BRINP3: variants seen among roughly 807,000 people sequenced by gnomAD.
The protein encoded by BRINP3 is BMP/retinoic acid-inducible neural-specific protein 3.
In BRINP3, 19 loss-of-function variants were observed where a neutral mutation model predicts 71.0. That is an observed-to-expected ratio of 0.27 (90% CI 0.19 to 0.39). The LOEUF (loss-of-function observed/expected upper bound fraction) is 0.39, where lower values mean the gene tolerates loss of function less well. Ranked by LOEUF, BRINP3 falls within the 10% of genes least tolerant of loss-of-function variation. The probability of loss-of-function intolerance (pLI) is 1.00; values close to 1 mark genes in which losing one functional copy is unlikely to be tolerated. For synonymous variants in BRINP3, 380 were observed against 337.7 expected, an observed-to-expected ratio of 1.13 and a Z score of -1.37; for missense variants, 959 against 940.8, an observed-to-expected ratio of 1.02 and a Z score of -0.25.
intron 2 of BRINP3, among the ~76,000 whole-genome samples, chr1:190,317,202 A>T (rs562572058): frequency 6.6e-6 from 1 of 150,626 alleles, no homozygotes; most frequent in South Asian, 2.1e-4. Flanking sequence ...AGTCTCTAAA[A>T]TACCTTGCCT....
Position 190,313,477 on chromosome 1 carries a change from T to C in BRINP3, c.237-31727A>G, listed in dbSNP as rs1259586464. ...TAAATTTGTATTTAGTAGGGAAGCC[T>C]CCCTAAGTATAGAGTACTATTAAAG... On this transcript the variant is annotated intron_variant, in intron 2 of 7. Transcript: ENST00000367462. 2.6e-5 allele frequency among the ~76,000 whole-genome samples: 4 copies of C among 152,010 alleles called. No homozygotes were observed. The South Asian group carries it at 8.3e-4, about 31-fold the overall frequency.
chr1:190,146,229 C>T (rs910229971), intron 7 of BRINP3, among the ~76,000 whole-genome samples: 1 of 152,098 alleles, frequency 6.6e-6, no homozygotes, highest in Non-Finnish European at 1.5e-5. Flanking sequence ...CATAAAAGTT[C>T]ACTTAAAATA....
At chr1:190,307,323 C>G (rs1001883039) in intron 2 of BRINP3, among the ~76,000 whole-genome samples, 35 of 112,190 alleles carry the variant, frequency 3.1e-4, no homozygotes, top group South Asian at 6.1e-4. Context: ...GGCTGGAGTG[C>G]AGTAGAGCTA....
At chr1:190,163,043 GA>G in intron 6 of BRINP3, among the ~76,000 whole-genome samples, 1 of 152,040 alleles carries the variant, frequency 6.6e-6, no homozygotes, top group Non-Finnish European at 1.5e-5. Context: ...TTCAGTATCT[GA>G]AATTCACTCT....
At position 190,459,993 on chromosome 1, in the gene BRINP3, T is replaced by C. The variant is rs565095190; in HGVS notation, c.-50-5053A>G. Among the ~76,000 whole-genome samples the C allele has an allele frequency of 2.7e-4, 41 of 152,046 alleles. 1 individual carries two copies. The East Asian group carries it at 7.1e-3, about 26-fold the overall frequency. ...TAAATTTTTAAGTATTGGACAAAGG[T>C]ATAAAGAAAATTGGCTGATTTGCCC... On this transcript the variant is annotated intron_variant, in intron 1 of 7. Transcript: ENST00000367462.
intron 7 of BRINP3, among the ~76,000 whole-genome samples, chr1:190,125,713 T>C (rs1374766924): frequency 6.6e-6 from 1 of 152,048 alleles, no homozygotes; most frequent in Non-Finnish European, 1.5e-5. Context: ...ATAAACTTTT[T>C]AGCTGAGTAC....
chr1:190,259,889 C>A (rs535004963), intron 4 of BRINP3, among the ~76,000 whole-genome samples: 13 of 151,244 alleles, frequency 8.6e-5, no homozygotes, highest in Middle Eastern at 3.2e-3. Flanking sequence ...ATTAGCCAGG[C>A]GTGGTGGCAG....
At chr1:190,116,816 T>C (rs989896588) in intron 7 of BRINP3, among the ~76,000 whole-genome samples, 3 of 152,060 alleles carry the variant, frequency 2.0e-5, no homozygotes, top group Non-Finnish European at 2.9e-5. Context: ...TCATGTTCTC[T>C]TTTGCTTAAT....
intron 7 of BRINP3, among the ~76,000 whole-genome samples, chr1:190,121,538 C>A (rs1653661285): frequency 6.6e-6 from 1 of 152,074 alleles, no homozygotes; most frequent in African/African-American, 2.4e-5. Flanking sequence ...AATAATATTT[C>A]TACAAATAAA....
chr1:190,374,250 A>G (rs1670047586), intron 2 of BRINP3, among the ~76,000 whole-genome samples: 1 of 152,082 alleles, frequency 6.6e-6, no homozygotes, highest in Non-Finnish European at 1.5e-5. Context: ...AATCAATTGT[A>G]CATAACACAC....
chr1:190,314,389 T>C (rs1298863431), intron 2 of BRINP3, among the ~76,000 whole-genome samples: 1 of 152,212 alleles, frequency 6.6e-6, no homozygotes, highest in East Asian at 1.9e-4. Flanking sequence ...GGAATTATAG[T>C]TGCTAATTAC....
chr1:190,241,051 A>G (rs946272309), intron 4 of BRINP3, among the ~76,000 whole-genome samples: 1 of 152,114 alleles, frequency 6.6e-6, no homozygotes, highest in Non-Finnish European at 1.5e-5. Context: ...TAAACTCTCT[A>G]TGCATAATTA....
chr1:190,110,010 T>A (rs1652528843), intron 7 of BRINP3, among the ~76,000 whole-genome samples: 1 of 152,234 alleles, frequency 6.6e-6, no homozygotes, highest in Non-Finnish European at 1.5e-5. Flanking sequence ...CCCTTTCATA[T>A]GTGTGTATGT....
intron 5 of BRINP3, among the ~76,000 whole-genome samples, chr1:190,228,234 T>TA (rs1301843005): frequency 6.6e-6 from 1 of 151,898 alleles, no homozygotes; most frequent in Non-Finnish European, 1.5e-5. Context: ...TCTGAAAACT[T>TA]AAAGTGCTAA....
intron 7 of BRINP3, among the ~76,000 whole-genome samples, chr1:190,116,611 A>T (rs1171115617): frequency 1.3e-5 from 2 of 152,066 alleles, no homozygotes; most frequent in African/African-American, 4.8e-5. Context: ...GTGTAAACAT[A>T]ACAATCTAAA....
intron 2 of BRINP3, among the ~76,000 whole-genome samples, chr1:190,291,015 G>A (rs1229019394): frequency 6.6e-6 from 1 of 151,808 alleles, no homozygotes; most frequent in African/African-American, 2.4e-5. Flanking sequence ...AGACAAGGTT[G>A]AGAGAAGTTT....
chr1:190,192,984 A>G (rs1465278739), intron 6 of BRINP3, among the ~76,000 whole-genome samples: 1 of 152,146 alleles, frequency 6.6e-6, no homozygotes, highest in East Asian at 1.9e-4. Flanking sequence ...ATGCCCCTCA[A>G]AACATGTCTG....
chr1:190,133,424 A>G (rs1654707139), intron 7 of BRINP3, among the ~76,000 whole-genome samples: 1 of 152,100 alleles, frequency 6.6e-6, no homozygotes, highest in African/African-American at 2.4e-5. Context: ...AAGAATCCCC[A>G]CAAATCAGAG....
chr1:190,309,905 CTAATT>C (rs1311094441), intron 2 of BRINP3, among the ~76,000 whole-genome samples: 2 of 151,548 alleles, frequency 1.3e-5, no homozygotes, highest in Non-Finnish European at 3.0e-5. Flanking sequence ...TAAAATTAAT[CTAATT>C]TATTTTATTT....
Sources: gnomAD v4.1 joint callset for allele counts (sites outside exome capture counted in the v4.1 genomes callset) on GRCh38, gnomAD v4.1.1 for gene constraint, MANE v1.5 for transcripts, NCBI Gene and HGNC (gene_info 2026-07-23, HGNC 2026-07-21) for gene names.